The following TMEM170A variants were observed in gnomAD, a reference collection of about 807,000 sequenced individuals.
TMEM170A encodes transmembrane protein 170A.
A neutral mutation model predicts 12.8 loss-of-function variants in TMEM170A; 18 were observed. The ratio of observed to expected loss-of-function variants is 1.41; its 90% CI spans 0.97 to 2.09. The LOEUF (loss-of-function observed/expected upper bound fraction) is 2.09, where lower values mean the gene tolerates loss of function less well. TMEM170A is among the 30% of genes most tolerant of loss of function. The pLI is 0.00. For missense variants in TMEM170A, 220 were observed against 179.9 expected, an observed-to-expected ratio of 1.22 and a Z score of -1.28; for synonymous variants, 107 against 76.2, an observed-to-expected ratio of 1.40 and a Z score of -2.11.
chr16:75,464,189 C>G (rs1000009800), intron 1 of TMEM170A: 3 of 1,499,708 alleles, frequency 2.0e-6, no homozygotes, highest in African/African-American at 2.9e-5. Context: ...AAGGCCAAGA[C>G]CCGCTCGGGT....
chr16:75,460,993 T>C (rs909093615), intron 1 of TMEM170A, among the ~76,000 whole-genome samples: 7 of 152,232 alleles, frequency 4.6e-5, no homozygotes, highest in Non-Finnish European at 7.3e-5. Context: ...TGAGGTTTGT[T>C]AAAAATGACA....
At chr16:75,449,402 C>G (rs1567697425) in intron 2 of TMEM170A, among the ~76,000 whole-genome samples, 1 of 151,268 alleles carries the variant, frequency 6.6e-6, no homozygotes, top group African/African-American at 2.4e-5. Context: ...ATCATGGCTC[C>G]CTGCAGCCTC....
intron 2 of TMEM170A, among the ~76,000 whole-genome samples, chr16:75,450,197 A>C (rs2079658176): frequency 6.8e-6 from 1 of 148,134 alleles, no homozygotes; most frequent in Non-Finnish European, 1.5e-5. Context: ...AAAAAAAAAA[A>C]ACACCTCAAG....
chr16:75,443,119 T>G lies in TMEM170A; in HGVS notation c.*4439A>C, dbSNP rs934551903. On this transcript the variant is annotated 3_prime_UTR_variant, in exon 3 of 3. Transcript: ENST00000561878. ...AATTTTATCATAAATTAGTAAGAAG[T>G]AGAACATAAAAAAAGTTACACATGC... 2 of 152,038 alleles carry G rather than the reference T, an allele frequency of 1.3e-5. No homozygotes were observed. The highest frequency in any genetic ancestry group is 4.8e-5 in the African/African-American group (2 of 41,394). The allele number at this position is 152,038 out of a possible 1,614,324, so 9.4% of individuals were successfully genotyped here.
intron 1 of TMEM170A, among the ~76,000 whole-genome samples, chr16:75,456,742 G>C (rs2079805482): frequency 1.3e-5 from 2 of 152,128 alleles, no homozygotes; most frequent in Admixed American, 1.3e-4. Flanking sequence ...CCTAACAAAT[G>C]TGCACCTGCC....
intron 1 of TMEM170A, among the ~76,000 whole-genome samples, chr16:75,463,157 T>C (rs1171820956): frequency 6.6e-6 from 1 of 152,184 alleles, no homozygotes; most frequent in Non-Finnish European, 1.5e-5. Context: ...TATACTGTTC[T>C]CTCAACTGTT....
At position 75,446,262 on chromosome 16, in the gene TMEM170A, G is replaced by A. The variant is rs1031441122; in HGVS notation, c.*1296C>T. The A allele has an allele frequency of 1.3e-5, 2 of 151,588 alleles. No individual in the cohort carries two copies. The highest frequency in any genetic ancestry group is 1.5e-5 in the Non-Finnish European group (1 of 67,962). The allele number at this position is 151,588 out of a possible 1,614,324, so 9.4% of individuals were successfully genotyped here. A position where few individuals can be genotyped will look rare whatever the true frequency, so the allele number is the denominator to read the frequency against. ...CACCACCACTACCACCACACTGATT[G>A]TATTCCATACAAAACAGTTTAGGTG... On this transcript the variant is annotated 3_prime_UTR_variant, in exon 3 of 3. Transcript: ENST00000561878.
At chr16:75,453,869 A>G (rs1205895096) in intron 1 of TMEM170A, among the ~76,000 whole-genome samples, 1 of 152,228 alleles carries the variant, frequency 6.6e-6, no homozygotes, top group Non-Finnish European at 1.5e-5. Flanking sequence ...ATATAAAGAA[A>G]ACAAAACCAT....
At position 75,444,823 on chromosome 16, in the gene TMEM170A, C is replaced by T. The variant is rs926119668; in HGVS notation, c.*2735G>A. ...TTTAGTTTTTTAAAAGAGTAGATAA[C>T]CAAAATATATCAAACAAGAAACAGA... On this transcript the variant is annotated 3_prime_UTR_variant, in exon 3 of 3. Coordinates refer to ENST00000561878, the MANE Select transcript of TMEM170A (RefSeq NM_145254.3). 6.6e-6 allele frequency: 1 copy of T among 152,042 alleles called. No homozygotes were observed. The highest frequency in any genetic ancestry group is 1.5e-5 in the Non-Finnish European group (1 of 67,968). The allele number at this position is 152,042 out of a possible 1,614,324, so 9.4% of individuals were successfully genotyped here. A position where few individuals can be genotyped will look rare whatever the true frequency, so the allele number is the denominator to read the frequency against.
intron 1 of TMEM170A, chr16:75,458,436 T>C (rs959564294): frequency 6.6e-6 from 1 of 152,348 alleles, no homozygotes; most frequent in Admixed American, 6.5e-5. Context: ...TTAGGTCTAA[T>C]GTAATCACAG....
chr16:75,445,504 C>T lies in TMEM170A; in HGVS notation c.*2054G>A, dbSNP rs1024518055. ...TAGAGACAAGGTCTCACTATGTTGC[C>T]CAGGCCAGTCTTGAACTCTTGGGCT... On this transcript the variant is annotated 3_prime_UTR_variant, in exon 3 of 3. Coordinates refer to ENST00000561878, the MANE Select transcript of TMEM170A (RefSeq NM_145254.3). The T allele has an allele frequency of 2.0e-5, 3 of 152,122 alleles. No individual in the cohort carries two copies. The East Asian group carries it at 5.8e-4, about 29-fold the overall frequency. 9.4% of individuals were successfully genotyped at this position (152,122 alleles called of 1,614,324 possible).
At chr16:75,454,012 T>G (rs906201669) in intron 1 of TMEM170A, among the ~76,000 whole-genome samples, 1 of 152,150 alleles carries the variant, frequency 6.6e-6, no homozygotes, top group Non-Finnish European at 1.5e-5. Flanking sequence ...CGGTGACACA[T>G]TAGATAAAAC....
intron 1 of TMEM170A, among the ~76,000 whole-genome samples, chr16:75,460,737 G>C (rs2079888734): frequency 1.3e-5 from 2 of 152,102 alleles, no homozygotes; most frequent in Admixed American, 1.3e-4. Flanking sequence ...TTGTTACTAT[G>C]GCATCTTGAC....
intron 1 of TMEM170A, among the ~76,000 whole-genome samples, chr16:75,459,356 C>T (rs1023261098): frequency 1.3e-5 from 2 of 152,234 alleles, no homozygotes; most frequent in African/African-American, 4.8e-5. Context: ...AACTCCCAAC[C>T]AAGGCCTCAT....
chr16:75,446,839 T>G lies in TMEM170A; in HGVS notation c.*719A>C, dbSNP rs1161716136. The G allele has an allele frequency of 1.3e-5, 2 of 152,188 alleles. No homozygotes were observed. The highest frequency in any genetic ancestry group is 2.9e-5 in the Non-Finnish European group (2 of 68,020). 9.4% of individuals were successfully genotyped at this position (152,188 alleles called of 1,614,324 possible). ...ATAGGGAAAGGTGGTACAGAAAATC[T>G]AAAAAGTCTAAATTAGCTAGCTTAT... On this transcript the variant is annotated 3_prime_UTR_variant, in exon 3 of 3. Transcript: ENST00000561878.
chr16:75,456,882 C>T (rs1050153023), intron 1 of TMEM170A, among the ~76,000 whole-genome samples: 7 of 152,190 alleles, frequency 4.6e-5, no homozygotes, highest in African/African-American at 1.7e-4. Context: ...TCCCCAAGCC[C>T]CCACACAGCA....
chr16:75,463,387 T>G lies in TMEM170A; in HGVS notation c.133+1081A>C, dbSNP rs1013269403. Among the ~76,000 whole-genome samples the G allele has an allele frequency of 2.0e-5, 3 of 152,014 alleles. No homozygotes were observed. The East Asian group carries it at 5.8e-4, about 29-fold the overall frequency. ...TCAGGAATGACCACAAGCGAACATC[T>G]GCATCTGACCCCAACCTGCCTGATG... is the stretch of plus-strand genomic sequence containing the variant. On this transcript the variant is annotated intron_variant, in intron 1 of 2. Coordinates refer to ENST00000561878, the MANE Select transcript of TMEM170A (RefSeq NM_145254.3).
chr16:75,450,558 C>T (rs2079664565), intron 2 of TMEM170A, among the ~76,000 whole-genome samples: 1 of 152,158 alleles, frequency 6.6e-6, no homozygotes, highest in Non-Finnish European at 1.5e-5. Context: ...CAAAAACAAG[C>T]CTGAAAATAA....
chr16:75,462,066 C>T (rs562719970), intron 1 of TMEM170A, among the ~76,000 whole-genome samples: 2 of 152,140 alleles, frequency 1.3e-5, no homozygotes, highest in African/African-American at 2.4e-5. Context: ...GGAACCCTTA[C>T]AGTAGAGAGT....
Sources: allele counts gnomAD v4.1 joint callset (sites outside exome capture counted in the v4.1 genomes callset), GRCh38; gene constraint gnomAD v4.1.1; transcripts MANE v1.5; gene names NCBI Gene and HGNC (gene_info 2026-07-23, HGNC 2026-07-21).